Variants in PHACTR2 observed in about 807,000 individuals in gnomAD.
PHACTR2 encodes chromosome 6 open reading frame 56.
PHACTR2 carries 30 observed loss-of-function variants against 76.0 expected under a neutral mutation model. The ratio of observed to expected loss-of-function variants is 0.39; its 90% confidence interval spans 0.30 to 0.54. The LOEUF (loss-of-function observed/expected upper bound fraction) is 0.54, where lower values mean the gene tolerates loss of function less well. PHACTR2 is among the 20% of genes least tolerant of loss of function. PHACTR2 has a pLI of 0.61. For missense variants in PHACTR2, 696 were observed against 781.1 expected (o/e 0.89, Z 1.30); for synonymous variants, 292 against 292.5 (o/e 1.00, Z 0.02).
chr6:143,579,153 C>G (rs1775546346), intron 1 of PHACTR2, among the ~76,000 whole-genome samples: 1 of 152,198 alleles, frequency 6.6e-6, no homozygotes, highest in African/African-American at 2.4e-5. Context: ...ATCCCCCCAC[C>G]TTGGCCTCCC....
In PHACTR2 at chr6:143,648,600, G is replaced by A. The variant is rs914580884; in HGVS notation, c.13+40278G>A. Among the ~76,000 whole-genome samples the A allele has an allele frequency of 6.6e-6, 1 of 152,158 alleles. No homozygotes were observed. The highest frequency in any genetic ancestry group is 1.5e-5 in the Non-Finnish European group (1 of 68,022). On this transcript the variant is annotated intron_variant, in intron 1 of 11. Coordinates refer to the PHACTR2 transcript ENST00000305766. This position sits in a 1 kb window ranked among gnomAD's most constrained non-coding sequence, Gnocchi z 6.7. Reference sequence around the variant, plus strand: ...ATCATTACTGTGGCTGCCCTCTGAGGTAGGAAGGAATGAAGAGCCCGGGAG... The same window carrying A: ...ATCATTACTGTGGCTGCCCTCTGAGATAGGAAGGAATGAAGAGCCCGGGAG...
At chr6:143,721,887 C>G (rs1778452113) in intron 2 of PHACTR2, among the ~76,000 whole-genome samples, 1 of 152,116 alleles carries the variant, frequency 6.6e-6, no homozygotes, top group Non-Finnish European at 1.5e-5. Flanking sequence ...CTCATGGAGT[C>G]CACAGGGTGC....
At chr6:143,563,717 T>C (rs1775317358) in intron 1 of PHACTR2, among the ~76,000 whole-genome samples, 1 of 151,590 alleles carries the variant, frequency 6.6e-6, no homozygotes, top group Non-Finnish European at 1.5e-5. Flanking sequence ...TTATTCTGGC[T>C]GCGCACGGTG....
At chr6:143,729,084 A>G (rs1378406481) in intron 2 of PHACTR2, among the ~76,000 whole-genome samples, 2 of 152,206 alleles carry the variant, frequency 1.3e-5, no homozygotes, top group Admixed American at 1.3e-4. Flanking sequence ...ATATTTGCAA[A>G]ATATTCATCC....
At position 143,819,746 on chromosome 6, in the gene PHACTR2, T is replaced by G. The variant is rs1270368417; in HGVS notation, c.1923-3928T>G. ...CTCTCTGGCTCTCTGGCAGATTGGCTGTGGCCACCGACACTGAGGGAAGAT... is the reference window on the plus strand; with the variant it reads ...CTCTCTGGCTCTCTGGCAGATTGGCGGTGGCCACCGACACTGAGGGAAGAT... On this transcript the variant is annotated intron_variant, in intron 12 of 12. Transcript: ENST00000440869. The surrounding 1 kb of genome is among the most constrained non-coding windows in gnomAD (Gnocchi z 5.0). 6.6e-6 allele frequency among the ~76,000 whole-genome samples: 1 copy of G among 152,176 alleles called. No homozygotes were observed. Among genetic ancestry groups the G allele is most frequent in the Admixed American group, 6.5e-5 (1 of 15,280 alleles).
At position 143,619,965 on chromosome 6, in the gene PHACTR2, G is replaced by GC. The variant is rs11371622; in HGVS notation, c.13+11643_13+11644insC. On this transcript the variant is annotated intron_variant, in intron 1 of 11. Transcript: ENST00000305766. This position sits in a 1 kb window ranked among gnomAD's most constrained non-coding sequence, Gnocchi z 4.5. ...CATGTCACTCGGTCGGGGGTGGGGG[G>GC]TCAGTTCATTTGTTCAAACAGTAAG... 0.6 allele frequency among the ~76,000 whole-genome samples: 90,099 copies of GC among 151,312 alleles called. 28,104 individuals carry two copies. Among genetic ancestry groups the GC allele is most frequent in the Middle Eastern group, 0.71 (209 of 294 alleles).
chr6:143,724,182 C>G (rs751040269), intron 2 of PHACTR2, among the ~76,000 whole-genome samples: 1 of 152,090 alleles, frequency 6.6e-6, no homozygotes, highest in Non-Finnish European at 1.5e-5. Flanking sequence ...GTCACCCAGG[C>G]TGGACTGTAG....
rs1033546174 is a variant in PHACTR2 at position 143,782,828 on chromosome 6, G to C, written c.1646-391G>C. ...GATTTTCACACGAAGGCCAGATCCAGAAGTAAATTTTTATCTGAATTCTGG... is the reference window on the plus strand; with the variant it reads ...GATTTTCACACGAAGGCCAGATCCACAAGTAAATTTTTATCTGAATTCTGG... On this transcript the variant is annotated intron_variant, in intron 9 of 12. Coordinates refer to ENST00000440869, the MANE Select transcript of PHACTR2 (RefSeq NM_001100164.2). The surrounding 1 kb of genome is among the most constrained non-coding windows in gnomAD (Gnocchi z 4.6). Among the ~76,000 whole-genome samples, 2 of 152,148 alleles carry C rather than the reference G, an allele frequency of 1.3e-5. No individual in the cohort carries two copies. The highest frequency in any genetic ancestry group is 4.8e-5 in the African/African-American group (2 of 41,436).
Position 143,680,164 on chromosome 6 carries a change from A to T in PHACTR2, c.46+1955A>T, listed in dbSNP as rs980333448. Among the ~76,000 whole-genome samples, 1 of 152,104 alleles carries T rather than the reference A, an allele frequency of 6.6e-6. No homozygotes were observed. Among genetic ancestry groups the T allele is most frequent in the Non-Finnish European group, 1.5e-5 (1 of 68,002 alleles). On this transcript the variant is annotated intron_variant, in intron 1 of 12. Coordinates refer to ENST00000440869, the MANE Select transcript of PHACTR2 (RefSeq NM_001100164.2). The surrounding 1 kb of genome is among the most constrained non-coding windows in gnomAD (Gnocchi z 4.5). ...ATGAAAACCAAAAAAAAAAAAATTT[A>T]AATTAAATAACGTTTGCTGAGTTTT...
rs541000536 is a variant in PHACTR2 at position 143,613,325 on chromosome 6, G to A, written c.13+5003G>A. The stretch of plus-strand genomic sequence containing the variant: ...AAAGTTAAAATTTGATAAATAATCT[G>A]TTTTTTGGAGCATCTGTTTTCAAAA... On this transcript the variant is annotated intron_variant, in intron 1 of 11. Coordinates refer to the PHACTR2 transcript ENST00000305766. Among the ~76,000 whole-genome samples the A allele has an allele frequency of 1.5e-3, 232 of 152,312 alleles. 1 individual carries two copies. Among genetic ancestry groups the A allele is most frequent in the Middle Eastern group, 6.8e-3 (2 of 294 alleles).
In PHACTR2 at chr6:143,543,648, A is replaced by G. The variant is rs1781194175; in HGVS notation, c.217+6441A>G. ...AGAGTGTTTGGGGATGGGAAACAGT[A>G]CATGTAAAAGGCCTGAAACAAACTG... On this transcript the variant is annotated intron_variant, in intron 1 of 11. Transcript: ENST00000367584. This position sits in a 1 kb window ranked among gnomAD's most constrained non-coding sequence, Gnocchi z 4.7. Among the ~76,000 whole-genome samples the G allele has an allele frequency of 6.6e-6, 1 of 152,186 alleles. No homozygotes were observed. Among genetic ancestry groups the G allele is most frequent in the Non-Finnish European group, 1.5e-5 (1 of 68,022 alleles).
At chr6:143,674,713 A>G (rs935344689), upstream of PHACTR2, among the ~76,000 whole-genome samples, 1 of 152,190 alleles carries the variant, frequency 6.6e-6, no homozygotes, top group Non-Finnish European at 1.5e-5. This position sits in a 1 kb window ranked among gnomAD's most constrained non-coding sequence, Gnocchi z 4.9. Flanking sequence ...AGAGACCTCC[A>G]GGATTAGTAT....
intron 1 of PHACTR2, chr6:143,711,811 G>C: frequency 1.4e-6 from 1 of 736,116 alleles, no homozygotes; most frequent in Non-Finnish European, 2.5e-6. Flanking sequence ...TCCCCAGAAT[G>C]ATTTTCTAAG....
Position 143,806,049 on chromosome 6 carries a change from CA to C in PHACTR2, c.1846-1007del, listed in dbSNP as rs1776055658. On this transcript the variant is annotated intron_variant, in intron 11 of 12. Transcript: ENST00000440869. This position sits in a 1 kb window ranked among gnomAD's most constrained non-coding sequence, Gnocchi z 5.8. ...AAGAGTCCATTTTGCCTAGAGGTTA[CA>C]GGGGTGTTTTTATTAGCACCTTTTT... Among the ~76,000 whole-genome samples the C allele has an allele frequency of 6.6e-6, 1 of 152,106 alleles. No individual in the cohort carries two copies. The highest frequency in any genetic ancestry group is 1.5e-5 in the Non-Finnish European group (1 of 68,038).
In PHACTR2 at chr6:143,580,209, G is replaced by A. The variant is rs888370360; in HGVS notation, c.217+43002G>A. On this transcript the variant is annotated intron_variant, in intron 1 of 11. Coordinates refer to the PHACTR2 transcript ENST00000367584. This position sits in a 1 kb window ranked among gnomAD's most constrained non-coding sequence, Gnocchi z 4.2. ...TTAGAAGGGAGTCAACTTGGGGCCG[G>A]GCGCAGTGGCTCACTCCTGTAATCC... is the stretch of plus-strand genomic sequence containing the variant. 6.6e-6 allele frequency among the ~76,000 whole-genome samples: 1 copy of A among 152,214 alleles called. No homozygotes were observed. The highest frequency in any genetic ancestry group is 2.4e-5 in the African/African-American group (1 of 41,446).
At chr6:143,607,988 C>T (rs996599374), upstream of PHACTR2, among the ~76,000 whole-genome samples, 1 of 152,114 alleles carries the variant, frequency 6.6e-6, no homozygotes, top group African/African-American at 2.4e-5. Flanking sequence ...CACTTTTTTT[C>T]CTGAAATGTG....
At chr6:143,701,617 A>T (rs1777914817) in intron 1 of PHACTR2, among the ~76,000 whole-genome samples, 1 of 152,194 alleles carries the variant, frequency 6.6e-6, no homozygotes, top group Non-Finnish European at 1.5e-5. Context: ...ATTTTTGTAC[A>T]GGGAATACTT....
chr6:143,544,253 G>GAAA (rs1554286373), intron 1 of PHACTR2, among the ~76,000 whole-genome samples: 34 of 144,142 alleles, frequency 2.4e-4, no homozygotes, highest in East Asian at 2.2e-3. Context: ...GGAGGGAGTG[G>GAAA]GAAGGAAGGA....
In PHACTR2 at chr6:143,807,649, T is replaced by C. The variant is rs1163020828; in HGVS notation, c.1922+516T>C. ...TCAGTGTGGGCACATACATAACACTTTGGTTTCACAATAGACATAACACAG... is the reference window on the plus strand; with the variant it reads ...TCAGTGTGGGCACATACATAACACTCTGGTTTCACAATAGACATAACACAG... On this transcript the variant is annotated intron_variant, in intron 12 of 12. Coordinates refer to ENST00000440869, the MANE Select transcript of PHACTR2 (RefSeq NM_001100164.2). This position sits in a 1 kb window ranked among gnomAD's most constrained non-coding sequence, Gnocchi z 5.5. 1.3e-5 allele frequency among the ~76,000 whole-genome samples: 2 copies of C among 152,168 alleles called. No individual in the cohort carries two copies. Among genetic ancestry groups the C allele is most frequent in the African/African-American group, 4.8e-5 (2 of 41,426 alleles).
Sources: allele counts gnomAD v4.1 joint callset (sites outside exome capture counted in the v4.1 genomes callset), GRCh38; gene constraint gnomAD v4.1.1; non-coding constraint Gnocchi (gnomAD v3.1); transcripts MANE v1.5; gene names NCBI Gene and HGNC (gene_info 2026-07-23, HGNC 2026-07-21).